The following KCNQ3 variants were observed in gnomAD, a reference collection of about 807,000 sequenced individuals.
KCNQ3 encodes the protein potassium voltage-gated channel subfamily KQT member 3.
In KCNQ3, 30 loss-of-function variants were observed where a neutral mutation model predicts 92.5. The ratio of observed to expected loss-of-function variants is 0.32; its 90% CI spans 0.24 to 0.44. The LOEUF is 0.44. Among genes scored for constraint, KCNQ3 ranks in the 20% least tolerant of loss-of-function variants. The pLI is 1.00. For synonymous variants in KCNQ3, 450 were observed against 468.8 expected, an observed-to-expected ratio of 0.96 and a Z score of 0.52; for missense variants, 913 against 1,140.3, an observed-to-expected ratio of 0.80 and a Z score of 2.87.
At chr8:132,274,011 C>T (rs900902658) in intron 1 of KCNQ3, among the ~76,000 whole-genome samples, 2 of 152,158 alleles carry the variant, frequency 1.3e-5, no homozygotes, top group Non-Finnish European at 2.9e-5. Flanking sequence ...TCTGAGCCCT[C>T]CAAACTGTTC....
intron 1 of KCNQ3, among the ~76,000 whole-genome samples, chr8:132,192,566 A>G (rs768608204): frequency 2.6e-5 from 4 of 151,890 alleles, no homozygotes; most frequent in Non-Finnish European, 1.5e-5. Flanking sequence ...ATTCTCACCA[A>G]TTATTCCTGT....
chr8:132,226,364 C>A (rs994116484), intron 1 of KCNQ3, among the ~76,000 whole-genome samples: 1 of 151,938 alleles, frequency 6.6e-6, no homozygotes, highest in Non-Finnish European at 1.5e-5. Flanking sequence ...ATGTTTCTAT[C>A]CCCTGCTGAT....
intron 1 of KCNQ3, among the ~76,000 whole-genome samples, chr8:132,255,963 C>A (rs1815570685): frequency 8.8e-6 from 1 of 113,750 alleles, no homozygotes; most frequent in Admixed American, 1.1e-4. Context: ...TACCTATACC[C>A]AAGAAAAAGA....
intron 9 of KCNQ3, among the ~76,000 whole-genome samples, chr8:132,154,603 C>T (rs928459298): frequency 3.3e-5 from 5 of 152,192 alleles, no homozygotes; most frequent in East Asian, 3.9e-4. Flanking sequence ...TGGAGAATCC[C>T]CAACCAGCCT....
In KCNQ3 at chr8:132,354,914, G is replaced by C. The variant is rs192738104; in HGVS notation, c.386+125233C>G. Among the ~76,000 whole-genome samples, 330 of 152,278 alleles carry C rather than the reference G, an allele frequency of 2.2e-3. 1 individual carries two copies. The highest frequency in any genetic ancestry group is 8.9e-3 in the South Asian group (43 of 4,824). On this transcript the variant is annotated intron_variant, in intron 1 of 14. Coordinates refer to ENST00000388996, the MANE Select transcript of KCNQ3 (RefSeq NM_004519.4). ...ACTGGTTCTGGGGATGGGTTTGAGG[G>C]ACATGGGTTCAACATCCCAGCAGCC... is the stretch of plus-strand genomic sequence containing the variant.
chr8:132,384,358 T>C (rs190448505), intron 1 of KCNQ3, among the ~76,000 whole-genome samples: 2 of 152,302 alleles, frequency 1.3e-5, no homozygotes, highest in Admixed American at 6.5e-5. Flanking sequence ...GAAGAGCAGA[T>C]AGGAAGGAAG....
At chr8:132,174,189 A>T (rs947289237) in intron 6 of KCNQ3, 50 bp downstream of exon 6, 1 of 1,316,056 alleles carries the variant, frequency 7.6e-7, no homozygotes, top group African/African-American at 1.5e-5. Flanking sequence ...ACCAGGCGGT[A>T]AGGGGTCCTG....
At chr8:132,404,980 C>T (rs1419153476) in intron 1 of KCNQ3, among the ~76,000 whole-genome samples, 1 of 152,156 alleles carries the variant, frequency 6.6e-6, no homozygotes, top group African/African-American at 2.4e-5. Context: ...AATTCAGAGA[C>T]AAAGCAAGGG....
intron 1 of KCNQ3, among the ~76,000 whole-genome samples, chr8:132,374,106 C>A (rs559745831): frequency 3.3e-5 from 5 of 152,252 alleles, no homozygotes; most frequent in Non-Finnish European, 5.9e-5. Context: ...AAGGAGGCCA[C>A]TTGTCACCGG....
chr8:132,198,348 T>A (rs1464880770), intron 1 of KCNQ3, among the ~76,000 whole-genome samples: 2 of 152,160 alleles, frequency 1.3e-5, no homozygotes, highest in Admixed American at 1.3e-4. Context: ...CCACAGAAAG[T>A]GGGAGATAAT....
intron 1 of KCNQ3, among the ~76,000 whole-genome samples, chr8:132,318,863 T>C (rs1251928503): frequency 6.6e-6 from 1 of 152,190 alleles, no homozygotes; most frequent in African/African-American, 2.4e-5. Flanking sequence ...CCTCTAAAGA[T>C]GTCTAGATCC....
At chr8:132,425,179 T>C (rs1821076109) in intron 1 of KCNQ3, among the ~76,000 whole-genome samples, 1 of 152,190 alleles carries the variant, frequency 6.6e-6, no homozygotes, top group Non-Finnish European at 1.5e-5. Context: ...TGGACGCCAA[T>C]ACATATAGTC....
intron 1 of KCNQ3, among the ~76,000 whole-genome samples, chr8:132,411,528 G>A (rs1252755854): frequency 2.6e-5 from 4 of 152,142 alleles, no homozygotes; most frequent in African/African-American, 9.7e-5. Context: ...CACAGAAGCA[G>A]GACAGGTGTT....
chr8:132,260,250 G>C (rs1815735624), intron 1 of KCNQ3, among the ~76,000 whole-genome samples: 1 of 152,146 alleles, frequency 6.6e-6, no homozygotes. Context: ...AATGTTTTCT[G>C]TATTTTCTCT....
At position 132,371,052 on chromosome 8, in the gene KCNQ3, C is replaced by T. The variant is rs72721035; in HGVS notation, c.386+109095G>A. On this transcript the variant is annotated intron_variant, in intron 1 of 14. Coordinates refer to ENST00000388996, the MANE Select transcript of KCNQ3 (RefSeq NM_004519.4). The stretch of plus-strand genomic sequence containing the variant: ...TTTGCAAATCCTTGGGAATATCCCT[C>T]GTTTCCTGGACACCCTCTCTGATCA... 9.3e-3 allele frequency among the ~76,000 whole-genome samples: 1,416 copies of T among 152,294 alleles called. 7 individuals are homozygous for T. Among genetic ancestry groups the T allele is most frequent in the Middle Eastern group, 0.02 (6 of 294 alleles).
chr8:132,167,705 A>G (rs993909427), intron 8 of KCNQ3, among the ~76,000 whole-genome samples: 1 of 152,248 alleles, frequency 6.6e-6, no homozygotes, highest in Admixed American at 6.5e-5. Context: ...CTCTTAGTTT[A>G]AAAACCATTC....
chr8:132,333,726 T>C lies in KCNQ3; in HGVS notation c.386+146421A>G, dbSNP rs147519854. ...TTGTCCTATGTTACTGTGAACTCTT[T>C]ATGAAACAAATTTTTTTTTTTTTTT... On this transcript the variant is annotated intron_variant, in intron 1 of 14. Coordinates refer to ENST00000388996, the MANE Select transcript of KCNQ3 (RefSeq NM_004519.4). Among the ~76,000 whole-genome samples the C allele has an allele frequency of 2.1e-3, 297 of 143,554 alleles. 4 individuals are homozygous for C. The East Asian group carries it at 0.038, about 18-fold the overall frequency. 94.2% of individuals were successfully genotyped at this position (143,554 alleles called of 152,430 possible).
intron 1 of KCNQ3, among the ~76,000 whole-genome samples, chr8:132,366,748 T>G (rs886474322): frequency 6.6e-6 from 1 of 152,184 alleles, no homozygotes; most frequent in Admixed American, 6.5e-5. Flanking sequence ...TTTATATCAA[T>G]TTACTGAGGT....
chr8:132,319,881 A>G (rs1442489865), intron 1 of KCNQ3, among the ~76,000 whole-genome samples: 3 of 152,226 alleles, frequency 2.0e-5, no homozygotes, highest in African/African-American at 7.2e-5. Flanking sequence ...TGAAGTGTCT[A>G]CTATGGCAGA....
Sources: allele counts gnomAD v4.1 joint callset (sites outside exome capture counted in the v4.1 genomes callset), GRCh38; gene constraint gnomAD v4.1.1; transcripts MANE v1.5; gene names NCBI Gene and HGNC (gene_info 2026-07-23, HGNC 2026-07-21).